EFCAB5: variants seen among roughly 807,000 people sequenced by gnomAD.
The protein encoded by EFCAB5 is EF-hand calcium binding domain 5, also known as EF-hand calcium-binding domain-containing protein 5.
Under a neutral mutation model 167.9 loss-of-function variants are expected in EFCAB5, and 131 were observed. The ratio of observed to expected loss-of-function variants is 0.78; its 90% CI spans 0.68 to 0.90. EFCAB5 has a LOEUF of 0.90. EFCAB5 is among the 40% of genes least tolerant of loss of function. The pLI, the probability that EFCAB5 is intolerant of heterozygous loss-of-function variation, is 0.00. For missense variants in EFCAB5, 1,663 were observed against 1,745.2 expected, an observed-to-expected ratio of 0.95 and a Z score of 0.84; for synonymous variants, 574 against 602.8, an observed-to-expected ratio of 0.95 and a Z score of 0.70.
intron 7 of EFCAB5, among the ~76,000 whole-genome samples, chr17:30,003,363 G>A (rs778384535): frequency 6.6e-6 from 1 of 152,040 alleles, no homozygotes; most frequent in Non-Finnish European, 1.5e-5. Context: ...AGCCTCTCAA[G>A]TAGCTGGGAC....
chr17:30,011,607 G>C (rs576197024), intron 7 of EFCAB5, among the ~76,000 whole-genome samples: 106 of 152,134 alleles, frequency 7.0e-4, no homozygotes, highest in Admixed American at 1.0e-3. Flanking sequence ...CTCTCTGTTT[G>C]TCTGTTATTG....
rs776027567 is a variant in EFCAB5, at chr17:30,051,259, G to A, written c.1300+42G>A. 1.5e-5 allele frequency: 23 copies of A among 1,532,390 alleles called. No individual in the cohort carries two copies. In the South Asian group the frequency reaches 2.0e-4, roughly 13 times the overall value. The allele number at this position is 1,532,390 out of a possible 1,614,324, so 94.9% of individuals were successfully genotyped here. On this transcript the variant is annotated intron_variant, in intron 9 of 22. Transcript: ENST00000394835. ...GGGAGTATGTTCAAGCTGGAGTGTC[G>A]CAGTGCACTGATATGTACTGATATG...
intron 8 of EFCAB5, among the ~76,000 whole-genome samples, chr17:30,042,134 G>A (rs1349108486): frequency 6.6e-6 from 1 of 151,928 alleles, no homozygotes; most frequent in African/African-American, 2.4e-5. Context: ...TTTGCCTCTG[G>A]AGTAGCTGGG....
In EFCAB5 at chr17:30,063,714, C is replaced by G. The variant is rs150556190; in HGVS notation, c.2737+4013C>G. Among the ~76,000 whole-genome samples the G allele has an allele frequency of 7.5e-4, 114 of 152,328 alleles. No homozygotes were observed. In the East Asian group the frequency reaches 0.019, roughly 25 times the overall value. On this transcript the variant is annotated intron_variant, in intron 14 of 22. Transcript: ENST00000394835. ...CAACTGGAACCCAGTGCCACTGCAG[C>G]TGCTTATAGGCCATGTCAGACCTGA...
chr17:30,059,577 G>T lies in EFCAB5; in HGVS notation c.2613G>T (p.Arg871Ser). 1 of 1,608,150 alleles carries T rather than the reference G, an allele frequency of 6.2e-7. No individual in the cohort carries two copies. The highest frequency in any genetic ancestry group is 8.5e-7 in the Non-Finnish European group (1 of 1,176,672). The change falls in exon 14 of 23, where the codon AGG becomes AGT. Residue 871 changes from arginine to serine, a missense_variant. Transcript: ENST00000394835. ...AAAATGCTTTCCAAGTCCGACAGAG[G>T]CTTCTCCTAGAAGCCATCTTTCAGA... The part of the protein sequence containing the change: ...FSQNAFQVRQ[R>S]LLLEAIFQKW...
At chr17:30,004,292 C>T (rs1000628838) in intron 7 of EFCAB5, among the ~76,000 whole-genome samples, 2 of 152,204 alleles carry the variant, frequency 1.3e-5, no homozygotes, top group African/African-American at 4.8e-5. Context: ...AAAAAGCTTC[C>T]TCTGATACCA....
At chr17:29,939,863 T>C (rs2067275424), upstream of EFCAB5, among the ~76,000 whole-genome samples, 3 of 152,238 alleles carry the variant, frequency 2.0e-5, no homozygotes, top group South Asian at 6.2e-4. Context: ...ATCTGCTATA[T>C]GAATTCTTCA....
intron 7 of EFCAB5, among the ~76,000 whole-genome samples, chr17:30,024,399 G>C (rs1226826955): frequency 6.6e-6 from 1 of 152,122 alleles, no homozygotes; most frequent in African/African-American, 2.4e-5. Context: ...CAGACAAAAA[G>C]AGAGCCAAAT....
chr17:30,038,433 C>G (rs1004469699), intron 8 of EFCAB5, among the ~76,000 whole-genome samples: 2 of 152,180 alleles, frequency 1.3e-5, no homozygotes, highest in Admixed American at 1.3e-4. Context: ...AAAAAAGATT[C>G]CTTTCAAAAT....
intron 14 of EFCAB5, chr17:30,073,231 AT>A: frequency 1.5e-6 from 1 of 665,770 alleles, no homozygotes; most frequent in Admixed American, 2.2e-5. Context: ...AATTTTTCTA[AT>A]TTTTGGTATG....
intron 2 of EFCAB5, among the ~76,000 whole-genome samples, chr17:29,942,814 G>T (rs1040959123): frequency 6.6e-6 from 1 of 152,090 alleles, no homozygotes; most frequent in Admixed American, 6.6e-5. Context: ...GACCGAGGTG[G>T]ATCACTTGAG....
chr17:30,000,656 C>T (rs2068642174), intron 7 of EFCAB5, among the ~76,000 whole-genome samples: 1 of 152,078 alleles, frequency 6.6e-6, no homozygotes, highest in Non-Finnish European at 1.5e-5. Flanking sequence ...TACACCTTTG[C>T]ACGATTGAAG....
chr17:30,107,973 TGACA>T lies in EFCAB5; in HGVS notation c.4462_4465del (p.Asp1488IlefsTer19). ...TTACACCTCCGTTGCCCTCCAAGAC[TGACA>T]ATTATATGTATGCAAAAATGCCAGG... On this transcript the variant is annotated frameshift_variant, in exon 23 of 23. Coordinates refer to ENST00000394835, the MANE Select transcript of EFCAB5 (RefSeq NM_198529.4). LOFTEE classifies it high-confidence loss of function. The T allele has an allele frequency of 1.2e-6, 2 of 1,608,706 alleles. No homozygotes were observed. Among genetic ancestry groups the T allele is most frequent in the Non-Finnish European group, 1.7e-6 (2 of 1,178,650 alleles).
chr17:30,010,943 A>G (rs1399737740), intron 7 of EFCAB5, among the ~76,000 whole-genome samples: 1 of 152,208 alleles, frequency 6.6e-6, no homozygotes, highest in African/African-American at 2.4e-5. Flanking sequence ...TTTTAGGTCT[A>G]ACATTTAAGT....
At chr17:30,085,209 TAC>T in intron 18 of EFCAB5, among the ~76,000 whole-genome samples, 1 of 152,154 alleles carries the variant, frequency 6.6e-6, no homozygotes, top group Non-Finnish European at 1.5e-5. Context: ...TCCTGTAAGG[TAC>T]AGAGTCATAG....
intron 8 of EFCAB5, among the ~76,000 whole-genome samples, chr17:30,037,582 T>G (rs2069661368): frequency 6.6e-6 from 1 of 152,206 alleles, no homozygotes; most frequent in Admixed American, 6.5e-5. Flanking sequence ...AAAATAGTTT[T>G]TAATGATAAT....
At chr17:30,079,331 A>T (rs754265952) in intron 15 of EFCAB5, among the ~76,000 whole-genome samples, 1 of 152,174 alleles carries the variant, frequency 6.6e-6, no homozygotes, top group Non-Finnish European at 1.5e-5. Context: ...GACTCCATAG[A>T]TCTTGTATGT....
chr17:29,964,754 G>T (rs1052582492), intron 3 of EFCAB5, among the ~76,000 whole-genome samples: 2 of 151,050 alleles, frequency 1.3e-5, no homozygotes, highest in African/African-American at 4.9e-5. Context: ...ACCAATTTTT[G>T]GTTAAATTGT....
intron 14 of EFCAB5, chr17:30,069,673 C>A: frequency 6.9e-7 from 1 of 1,454,858 alleles, no homozygotes; most frequent in South Asian, 1.2e-5. Context: ...TCTGCATGGG[C>A]GCTCACAGGC....
Sources: allele counts gnomAD v4.1 joint callset (sites outside exome capture counted in the v4.1 genomes callset), GRCh38; gene constraint gnomAD v4.1.1; transcripts MANE v1.5; gene names NCBI Gene and HGNC (gene_info 2026-07-23, HGNC 2026-07-21).